The following PPP2R5E variants were observed in gnomAD, a reference collection of about 807,000 sequenced individuals.
PPP2R5E encodes the protein protein phosphatase 2 regulatory subunit B'epsilon.
PPP2R5E carries 4 observed loss-of-function variants against 65.3 expected under a neutral mutation model. That is an observed-to-expected ratio of 0.06 (90% confidence interval 0.03 to 0.14). The LOEUF is 0.14. Ranked by LOEUF, PPP2R5E falls within the 10% of genes least tolerant of loss-of-function variation. The pLI is 1.00. For missense variants in PPP2R5E, 274 were observed against 556.1 expected, an observed-to-expected ratio of 0.49 and a Z score of 5.10; for synonymous variants, 183 against 187.4, an observed-to-expected ratio of 0.98 and a Z score of 0.19.
intron 13 of PPP2R5E, among the ~76,000 whole-genome samples, chr14:63,380,459 G>A (rs914756139): frequency 5.3e-5 from 8 of 152,010 alleles, no homozygotes; most frequent in Non-Finnish European, 7.4e-5. Flanking sequence ...TCAGGAGATC[G>A]AGACCATCCT....
chr14:63,413,456 C>T (rs7141174), intron 5 of PPP2R5E, among the ~76,000 whole-genome samples: 45,075 of 152,068 alleles, frequency 0.3, 10,302 homozygotes, highest in African/African-American at 0.64. Context: ...GAAGGCATCA[C>T]GGCATGATGG....
Position 63,454,199 on chromosome 14 carries a change from T to G in PPP2R5E, c.158-314A>C, listed in dbSNP as rs113129973. ...CAAAAACACCCCAATGTCAATACCTTTAAATTAAAAACACTGAAAAAGGTC... is the reference window on the plus strand; with the variant it reads ...CAAAAACACCCCAATGTCAATACCTGTAAATTAAAAACACTGAAAAAGGTC... On this transcript the variant is annotated intron_variant, in intron 2 of 13. Transcript: ENST00000337537. 4.7e-3 allele frequency among the ~76,000 whole-genome samples: 723 copies of G among 152,322 alleles called. 4 individuals carry two copies. The highest frequency in any genetic ancestry group is 6.7e-3 in the Non-Finnish European group (457 of 68,030).
intron 6 of PPP2R5E, 66 bp from the exon 7 acceptor site, chr14:63,395,351 A>T: frequency 1.3e-6 from 1 of 764,956 alleles, no homozygotes; most frequent in Non-Finnish European, 2.0e-6. Flanking sequence ...GGATAAAAAG[A>T]GGAGGAGGAG....
chr14:63,515,834 CTTTTAT>C (rs1422572294), intron 2 of PPP2R5E, among the ~76,000 whole-genome samples: 5 of 146,690 alleles, frequency 3.4e-5, no homozygotes, highest in Non-Finnish European at 6.0e-5. Context: ...CACTTATTTT[CTTTTAT>C]TTTTATTTTA....
intron 2 of PPP2R5E, among the ~76,000 whole-genome samples, chr14:63,490,601 G>C (rs564683679): frequency 6.6e-6 from 1 of 152,050 alleles, no homozygotes; most frequent in South Asian, 2.1e-4. Context: ...TCTCAAAAGA[G>C]GACATACAAG....
intron 2 of PPP2R5E, among the ~76,000 whole-genome samples, chr14:63,471,504 G>T (rs925033481): frequency 2.6e-5 from 4 of 152,106 alleles, no homozygotes; most frequent in African/African-American, 9.7e-5. Flanking sequence ...TCCCTTCCCA[G>T]TCATATCATG....
intron 12 of PPP2R5E, 119 bp downstream of exon 12, chr14:63,384,325 A>T (rs1594811504): frequency 3.3e-6 from 4 of 1,222,256 alleles, no homozygotes; most frequent in Non-Finnish European, 4.7e-6. Context: ...GAAGGTAAGG[A>T]TTTTATCTTT....
At chr14:63,497,373 C>G (rs1469129661) in intron 2 of PPP2R5E, among the ~76,000 whole-genome samples, 1 of 152,082 alleles carries the variant, frequency 6.6e-6, no homozygotes. Context: ...TCTTTCTTGA[C>G]TACAAGCATC....
intron 3 of PPP2R5E, among the ~76,000 whole-genome samples, chr14:63,424,290 T>C (rs1468945330): frequency 6.6e-6 from 1 of 152,130 alleles, no homozygotes; most frequent in African/African-American, 2.4e-5. Flanking sequence ...AGGGATCTAG[T>C]TAGAGACATA....
intron 2 of PPP2R5E, among the ~76,000 whole-genome samples, chr14:63,488,480 G>A (rs1891110164): frequency 6.6e-6 from 1 of 152,112 alleles, no homozygotes; most frequent in Non-Finnish European, 1.5e-5. Flanking sequence ...TGAGATTGCA[G>A]GTGTGAGCCA....
chr14:63,443,046 C>T (rs1476897673), intron 3 of PPP2R5E, among the ~76,000 whole-genome samples: 2 of 152,052 alleles, frequency 1.3e-5, no homozygotes, highest in Non-Finnish European at 2.9e-5. Flanking sequence ...TAATTTTCTA[C>T]AATGTCATAT....
rs1047341044 is a variant in PPP2R5E at position 63,389,615 on chromosome 14, A to G, written c.1071T>C (p.Phe357=). ...TCATGTCCTCTTTACTACTAACCTG[A>G]AAATGGGGGCTAGATACACACTTGG... is the stretch of plus-strand genomic sequence containing the variant. ...QIAKCVSSPH[F]QVAERALYYW... is the part of the protein sequence containing the mutation. Residue 357 remains phenylalanine (F), a synonymous_variant, in exon 11 of 14, where the codon TTT becomes TTC. Transcript: ENST00000337537. The G allele has an allele frequency of 2.5e-6, 4 of 1,604,298 alleles. No homozygotes were observed. In the South Asian group the frequency reaches 3.4e-5, roughly 14 times the overall value.
At chr14:63,511,861 A>T (rs1017680403) in intron 2 of PPP2R5E, among the ~76,000 whole-genome samples, 2 of 151,922 alleles carry the variant, frequency 1.3e-5, no homozygotes, top group African/African-American at 4.8e-5. Flanking sequence ...AGTGGATCAC[A>T]TGAGGTTAGG....
intron 2 of PPP2R5E, among the ~76,000 whole-genome samples, chr14:63,489,180 T>TG (rs957442582): frequency 2.0e-5 from 3 of 151,862 alleles, no homozygotes; most frequent in Non-Finnish European, 2.9e-5. Flanking sequence ...TGCATTAATT[T>TG]GGGGGGGTAG....
At chr14:63,440,205 G>A (rs1178304237) in intron 3 of PPP2R5E, among the ~76,000 whole-genome samples, 1 of 152,110 alleles carries the variant, frequency 6.6e-6, no homozygotes, top group Non-Finnish European at 1.5e-5. Context: ...AGAGAGAGGG[G>A]TGTTCTGAAA....
Position 63,505,215 on chromosome 14 carries a change from C to A in PPP2R5E, c.157+34314G>T, listed in dbSNP as rs73276601. On this transcript the variant is annotated intron_variant, in intron 2 of 13. Transcript: ENST00000337537. ...CCGGACATGTTTGCTTGAACCCCAG[C>A]AGCCGAGGCTGCAATGACCCAAGAT... Among the ~76,000 whole-genome samples the A allele has an allele frequency of 4.1e-3, 627 of 152,150 alleles. 5 individuals carry two copies. The highest frequency in any genetic ancestry group is 0.014 in the African/African-American group (595 of 41,500).
intron 3 of PPP2R5E, chr14:63,451,698 T>A (rs1384703845): frequency 3.3e-5 from 5 of 152,064 alleles, no homozygotes; most frequent in African/African-American, 4.8e-5. Context: ...AGCCCTAACG[T>A]GAACTCTGAA....
At chr14:63,505,271 A>C (rs749513838) in intron 2 of PPP2R5E, among the ~76,000 whole-genome samples, 2 of 152,218 alleles carry the variant, frequency 1.3e-5, no homozygotes, top group African/African-American at 4.8e-5. Context: ...TGGAGGAAAG[A>C]GTGAGACTCT....
chr14:63,430,265 G>A (rs550936256), intron 3 of PPP2R5E, among the ~76,000 whole-genome samples: 2 of 152,204 alleles, frequency 1.3e-5, no homozygotes, highest in African/African-American at 4.8e-5. Context: ...TGTAATCCCA[G>A]CACTTTGGGA....
Sources: allele counts gnomAD v4.1 joint callset (sites outside exome capture counted in the v4.1 genomes callset), GRCh38; gene constraint gnomAD v4.1.1; transcripts MANE v1.5; gene names NCBI Gene and HGNC (gene_info 2026-07-23, HGNC 2026-07-21).